GABARAPL1: variants seen among roughly 807,000 people sequenced by gnomAD.
The protein encoded by GABARAPL1 is gamma-aminobutyric acid receptor-associated protein-like 1.
Under a neutral mutation model 14.5 loss-of-function variants are expected in GABARAPL1, and 4 were observed. The ratio of observed to expected loss-of-function variants is 0.28; its 90% CI spans 0.14 to 0.63. The LOEUF (loss-of-function observed/expected upper bound fraction) is 0.63, where lower values mean the gene tolerates loss of function less well. Ranked by LOEUF, GABARAPL1 falls within the 30% of genes least tolerant of loss-of-function variation. The pLI, the probability that GABARAPL1 is intolerant of heterozygous loss-of-function variation, is 0.84. For missense variants in GABARAPL1, 82 were observed against 139.2 expected (o/e 0.59, Z 2.07); for synonymous variants, 47 against 50.6 (o/e 0.93, Z 0.30).
intron 1 of GABARAPL1, 56 bp downstream of exon 1, chr12:10,213,275 G>A (rs1453299265): frequency 9.0e-6 from 10 of 1,113,084 alleles, no homozygotes; most frequent in Middle Eastern, 2.1e-4. Flanking sequence ...GGGCGGGGGC[G>A]GGTAGTCGAG....
chr12:10,220,823 G>A lies in GABARAPL1; in HGVS notation c.288+265G>A, dbSNP rs150710551. 2.6e-4 allele frequency: 369 copies of A among 1,422,822 alleles called. No individual in the cohort carries two copies. The African/African-American group carries it at 3.8e-3, about 15-fold the overall frequency. 88.1% of individuals were successfully genotyped at this position (1,422,822 alleles called of 1,614,324 possible). On this transcript the variant is annotated intron_variant, in intron 3 of 3. Transcript: ENST00000266458. ...GACTATAGTGTTTTAATGCTGGACT[G>A]TTTATTGAAACAGCAGGAAGTGATT...
intron 1 of GABARAPL1, chr12:10,213,461 C>T (rs1359818521): frequency 7.4e-6 from 4 of 538,704 alleles, no homozygotes; most frequent in Middle Eastern, 5.2e-4. Context: ...GGGGGCCGAG[C>T]CGCCGTCTTC....
chr12:10,217,440 A>G (rs1233068077), intron 1 of GABARAPL1, among the ~76,000 whole-genome samples: 1 of 152,190 alleles, frequency 6.6e-6, no homozygotes, highest in Non-Finnish European at 1.5e-5. Flanking sequence ...CTAATTAAAT[A>G]CCAGAAGGTG....
chr12:10,218,953 C>A (rs1949105182), intron 2 of GABARAPL1, among the ~76,000 whole-genome samples: 1 of 151,668 alleles, frequency 6.6e-6, no homozygotes, highest in Non-Finnish European at 1.5e-5. Flanking sequence ...CTCAGGTGAT[C>A]CACCCGCCTT....
intron 2 of GABARAPL1, among the ~76,000 whole-genome samples, chr12:10,219,298 G>A (rs1949106899): frequency 6.8e-6 from 1 of 147,760 alleles, no homozygotes; most frequent in South Asian, 2.1e-4. Context: ...CAGGCTGAGT[G>A]ACACAGTGAG....
intron 3 of GABARAPL1, 181 bp downstream of exon 3, chr12:10,220,739 G>C (rs1022569827): frequency 4.6e-6 from 7 of 1,519,728 alleles, no homozygotes; most frequent in Non-Finnish European, 6.2e-6. Context: ...GTTTTTTAGG[G>C]ATTAGCCACT....
At chr12:10,220,834 C>T in intron 3 of GABARAPL1, 1 of 1,418,044 alleles carries the variant, frequency 7.1e-7, no homozygotes, top group Non-Finnish European at 9.2e-7. Context: ...TTTATTGAAA[C>T]AGCAGGAAGT....
chr12:10,213,928 T>A, intron 1 of GABARAPL1: 1 of 454,420 alleles, frequency 2.2e-6, no homozygotes, highest in East Asian at 7.0e-5. Flanking sequence ...GAGACGTTTT[T>A]TCTCCGTTTT....
intron 2 of GABARAPL1, among the ~76,000 whole-genome samples, chr12:10,219,717 T>C (rs899595988): frequency 6.6e-6 from 1 of 152,130 alleles, no homozygotes; most frequent in African/African-American, 2.4e-5. Context: ...GGAGAATTGC[T>C]TGAACCTGGG....
At chr12:10,220,917 T>C in intron 3 of GABARAPL1, 1 of 1,352,760 alleles carries the variant, frequency 7.4e-7, no homozygotes, top group East Asian at 2.7e-5. Context: ...AGCATGTAAT[T>C]TGTAATGCAT....
Position 10,221,914 on chromosome 12 carries a change from C to T in GABARAPL1, c.*62C>T, listed in dbSNP as rs117229130. 2.5e-4 allele frequency: 375 copies of T among 1,484,964 alleles called. No homozygotes were observed. The highest frequency in any genetic ancestry group is 3.2e-4 in the Non-Finnish European group (340 of 1,066,520). The allele number at this position is 1,484,964 out of a possible 1,614,324, so 92.0% of individuals were successfully genotyped here. A position where few individuals can be genotyped will look rare whatever the true frequency, so the allele number is the denominator to read the frequency against. On this transcript the variant is annotated 3_prime_UTR_variant, in exon 4 of 4. Coordinates refer to ENST00000266458, the MANE Select transcript of GABARAPL1 (RefSeq NM_031412.4). ...TGGGGGTAGGGGAGGGGTGTGTGTG[C>T]GCGACATGGGGAAAGAGGGTGGCTC...
intron 3 of GABARAPL1, chr12:10,221,289 A>C (rs539430284): frequency 1.0e-6 from 1 of 968,058 alleles, no homozygotes; most frequent in Admixed American, 6.1e-5. Context: ...GAAGTGTCAG[A>C]ATCTGAGGAA....
chr12:10,222,310 CA>C lies in GABARAPL1; in HGVS notation c.*462del. 1 of 173,368 alleles carries C rather than the reference CA, an allele frequency of 5.8e-6. No individual in the cohort carries two copies. 10.7% of individuals were successfully genotyped at this position (173,368 alleles called of 1,614,324 possible). ...GTGGTAGTGGACCATACCTGGGGAC[CA>C]AAAGAGACCCACTGTAATTGATGCA... On this transcript the variant is annotated 3_prime_UTR_variant, in exon 4 of 4. Coordinates refer to ENST00000266458, the MANE Select transcript of GABARAPL1 (RefSeq NM_031412.4).
intron 1 of GABARAPL1, 78 bp from the exon 2 acceptor site, chr12:10,217,985 G>A (rs1208753243): frequency 6.0e-6 from 5 of 834,614 alleles, no homozygotes; most frequent in Non-Finnish European, 1.0e-5. Context: ...TAGTAACTAG[G>A]CAACTCTAGG....
At chr12:10,215,573 A>G (rs1171016571) in intron 1 of GABARAPL1, among the ~76,000 whole-genome samples, 2 of 152,078 alleles carry the variant, frequency 1.3e-5, no homozygotes, top group Admixed American at 1.3e-4. Flanking sequence ...GTACTGGGAA[A>G]CCAATATTTT....
intron 2 of GABARAPL1, 49 bp from the exon 3 acceptor site, chr12:10,220,391 C>T (rs756069248): frequency 6.2e-7 from 1 of 1,610,030 alleles, no homozygotes; most frequent in African/African-American, 1.3e-5. Flanking sequence ...TCTACTAATT[C>T]CTTGTTTTCT....
intron 2 of GABARAPL1, among the ~76,000 whole-genome samples, chr12:10,219,428 TAG>T (rs761255306): frequency 6.6e-6 from 1 of 152,222 alleles, no homozygotes; most frequent in Non-Finnish European, 1.5e-5. Context: ...GATTATATTT[TAG>T]AGTTTCCTGA....
chr12:10,216,791 C>T (rs907995650), intron 1 of GABARAPL1, among the ~76,000 whole-genome samples: 16 of 152,202 alleles, frequency 1.1e-4, no homozygotes, highest in Admixed American at 3.3e-4. Context: ...CCGCCCGCCT[C>T]GACCTCCCAA....
Position 10,218,086 on chromosome 12 carries a change from A to G in GABARAPL1, c.114A>G (p.Lys38=). 2 of 1,609,606 alleles carry G rather than the reference A, an allele frequency of 1.2e-6. No individual in the cohort carries two copies. Among genetic ancestry groups the G allele is most frequent in the Non-Finnish European group, 1.7e-6 (2 of 1,175,860 alleles). ...AGGTGATTGTAGAGAAGGCTCCAAA[A>G]GCCAGGGTGCCTGATCTGGACAAGA... is the stretch of plus-strand genomic sequence containing the variant. ...RVPVIVEKAP[K]ARVPDLDKRK... The change falls in exon 2 of 4, where the codon AAA becomes AAG. Residue 38 remains lysine, a synonymous_variant. Coordinates refer to ENST00000266458, the MANE Select transcript of GABARAPL1 (RefSeq NM_031412.4).
Sources: allele counts gnomAD v4.1 joint callset (sites outside exome capture counted in the v4.1 genomes callset), GRCh38; gene constraint gnomAD v4.1.1; transcripts MANE v1.5; gene names NCBI Gene and HGNC (gene_info 2026-07-23, HGNC 2026-07-21).